Variants in GRID2 observed in about 807,000 individuals in gnomAD.
GRID2 encodes glutamate ionotropic receptor delta type subunit 2, also known as glutamate receptor ionotropic, delta-2.
In GRID2, 33 loss-of-function variants were observed where a neutral mutation model predicts 114.8. The observed-to-expected ratio is 0.29, with a 90% CI of 0.22 to 0.38. The LOEUF (loss-of-function observed/expected upper bound fraction) is 0.38, where lower values mean the gene tolerates loss of function less well. Ranked by LOEUF, GRID2 falls within the 10% of genes least tolerant of loss-of-function variation. The pLI is 1.00. For missense variants in GRID2, 1,184 were observed against 1,257.7 expected, an observed-to-expected ratio of 0.94 and a Z score of 0.89; for synonymous variants, 505 against 449.9, an observed-to-expected ratio of 1.12 and a Z score of -1.55.
At chr4:93,301,829 G>A (rs1446338452) in intron 8 of GRID2, among the ~76,000 whole-genome samples, 1 of 152,080 alleles carries the variant, frequency 6.6e-6, no homozygotes, top group African/African-American at 2.4e-5. Context: ...TTTGAAATGT[G>A]TTCTGATAAA....
chr4:92,971,033 A>G (rs1753480349), intron 2 of GRID2, among the ~76,000 whole-genome samples: 1 of 151,892 alleles, frequency 6.6e-6, no homozygotes, highest in South Asian at 2.1e-4. Flanking sequence ...AAATTTGTAC[A>G]GAAGAAGACT....
rs115166833 is a variant in GRID2 at position 93,381,431 on chromosome 4, C to T, written c.1246-14176C>T. On this transcript the variant is annotated intron_variant, in intron 8 of 15. Transcript: ENST00000282020. Reference sequence around the variant, plus strand: ...TGTAAGGCTGACTGATAAGGAGAGACTTACTTCTGTCATTTAAAAACTTGT... The same window carrying T: ...TGTAAGGCTGACTGATAAGGAGAGATTTACTTCTGTCATTTAAAAACTTGT... 3.2e-3 allele frequency among the ~76,000 whole-genome samples: 480 copies of T among 152,178 alleles called. 3 individuals carry two copies. Among genetic ancestry groups the T allele is most frequent in the African/African-American group, 0.011 (454 of 41,528 alleles).
chr4:93,385,424 A>G (rs1392988262), intron 8 of GRID2, among the ~76,000 whole-genome samples: 1 of 152,176 alleles, frequency 6.6e-6, no homozygotes, highest in East Asian at 1.9e-4. Flanking sequence ...TAAAACCTGC[A>G]TGCCACAAAA....
intron 11 of GRID2, among the ~76,000 whole-genome samples, chr4:93,465,503 T>G (rs542267995): frequency 1.3e-5 from 2 of 152,236 alleles, no homozygotes; most frequent in Non-Finnish European, 2.9e-5. Context: ...TTTTTTAACC[T>G]CTAGGTGACT....
intron 13 of GRID2, among the ~76,000 whole-genome samples, chr4:93,589,414 G>C (rs1737917119): frequency 6.6e-6 from 1 of 151,636 alleles, no homozygotes; most frequent in Admixed American, 6.6e-5. Context: ...AGTATTCCAT[G>C]GTGTATATGT....
chr4:92,456,332 T>C (rs919857785), intron 1 of GRID2, among the ~76,000 whole-genome samples: 2 of 151,968 alleles, frequency 1.3e-5, no homozygotes, highest in Non-Finnish European at 2.9e-5. Flanking sequence ...AATGGGAAAA[T>C]GCACTCCCAT....
downstream of GRID2, chr4:93,810,279 A>G (rs774325665): frequency 1.3e-5 from 2 of 152,194 alleles, no homozygotes; most frequent in African/African-American, 2.4e-5. Context: ...TTTCCCACAG[A>G]CATACTTTTT....
At chr4:93,493,517 C>T (rs1047493285) in intron 12 of GRID2, among the ~76,000 whole-genome samples, 1 of 150,786 alleles carries the variant, frequency 6.6e-6, no homozygotes, top group Non-Finnish European at 1.5e-5. Flanking sequence ...GACACCAATC[C>T]GTGGCCTTAC....
intron 2 of GRID2, among the ~76,000 whole-genome samples, chr4:92,733,313 G>A (rs1423452065): frequency 6.6e-6 from 1 of 152,030 alleles, no homozygotes; most frequent in Admixed American, 6.6e-5. Context: ...TGATTAACTG[G>A]ACCTTTAAAG....
intron 2 of GRID2, among the ~76,000 whole-genome samples, chr4:92,931,322 C>T (rs1750217018): frequency 6.6e-6 from 1 of 150,728 alleles, no homozygotes; most frequent in African/African-American, 2.4e-5. Context: ...TGGAAGAGAA[C>T]TTCCACACTT....
rs1474804815 is a variant in GRID2 at position 93,551,341 on chromosome 4, G to A, written c.2193+35930G>A. Among the ~76,000 whole-genome samples, 4 of 152,174 alleles carry A rather than the reference G, an allele frequency of 2.6e-5. No individual in the cohort carries two copies. The East Asian group carries it at 7.7e-4, about 29-fold the overall frequency. On this transcript the variant is annotated intron_variant, in intron 13 of 15. Coordinates refer to ENST00000282020, the MANE Select transcript of GRID2 (RefSeq NM_001510.4). ...ATGTAGGTGTAAGAAGGCTGCCATA[G>A]GGAGGCAGCATTTGAAAAAACCTGA...
At chr4:92,728,565 C>G (rs1374946160) in intron 2 of GRID2, among the ~76,000 whole-genome samples, 1 of 151,894 alleles carries the variant, frequency 6.6e-6, no homozygotes, top group African/African-American at 2.4e-5. Flanking sequence ...AGTCAAAGAG[C>G]ACATGAAGAC....
chr4:93,059,591 A>T (rs1404481216), intron 2 of GRID2, among the ~76,000 whole-genome samples: 4 of 152,052 alleles, frequency 2.6e-5, no homozygotes, highest in Non-Finnish European at 5.9e-5. Flanking sequence ...TTTTATGATG[A>T]TTGATTTGGA....
intron 2 of GRID2, among the ~76,000 whole-genome samples, chr4:92,735,505 A>G (rs924803154): frequency 6.6e-6 from 1 of 152,108 alleles, no homozygotes; most frequent in African/African-American, 2.4e-5. Context: ...GAAAAACAAA[A>G]CTGCAGATGG....
intron 4 of GRID2, among the ~76,000 whole-genome samples, chr4:93,185,868 G>A (rs563266244): frequency 6.6e-6 from 1 of 152,158 alleles, no homozygotes; most frequent in Admixed American, 6.5e-5. Flanking sequence ...TTTACATTAG[G>A]CATTTATTCT....
chr4:92,436,432 A>T (rs1052448422), intron 1 of GRID2, among the ~76,000 whole-genome samples: 22 of 152,152 alleles, frequency 1.4e-4, no homozygotes, highest in African/African-American at 5.3e-4. Flanking sequence ...ATAGGGCTAA[A>T]GATTTCAGTA....
chr4:92,829,680 C>A (rs1183609722), intron 2 of GRID2, among the ~76,000 whole-genome samples: 1 of 152,074 alleles, frequency 6.6e-6, no homozygotes, highest in African/African-American at 2.4e-5. Context: ...TTGGAACCAA[C>A]CCAAATGCCC....
chr4:93,679,559 A>G (rs1354724198), intron 14 of GRID2, among the ~76,000 whole-genome samples: 1 of 151,014 alleles, frequency 6.6e-6, no homozygotes, highest in Non-Finnish European at 1.5e-5. Flanking sequence ...GTAAAAGAAC[A>G]GAAATTATAA....
intron 10 of GRID2, among the ~76,000 whole-genome samples, chr4:93,428,637 G>T (rs777018231): frequency 2.6e-5 from 4 of 152,140 alleles, no homozygotes; most frequent in Non-Finnish European, 5.9e-5. Context: ...TTACAATTGT[G>T]TGAGGGTGGG....
Sources: allele counts gnomAD v4.1 joint callset (sites outside exome capture counted in the v4.1 genomes callset), GRCh38; gene constraint gnomAD v4.1.1; transcripts MANE v1.5; gene names NCBI Gene and HGNC (gene_info 2026-07-23, HGNC 2026-07-21).